The following MTX2 variants were observed in gnomAD, a reference collection of about 807,000 sequenced individuals.
MTX2 encodes metaxin 2, also known as metaxin-2.
Under a neutral mutation model 42.3 loss-of-function variants are expected in MTX2, and 35 were observed. That is an observed-to-expected ratio of 0.83 (90% CI 0.63 to 1.10). The LOEUF (loss-of-function observed/expected upper bound fraction) is 1.10. Ranked by LOEUF, MTX2 falls within the 50% of genes least tolerant of loss-of-function variation. MTX2 has a pLI of 0.00. For synonymous variants in MTX2, 119 were observed against 100.9 expected (o/e 1.18, Z -1.08); for missense variants, 307 against 304.1 (o/e 1.01, Z -0.07).
intron 1 of MTX2, among the ~76,000 whole-genome samples, chr2:176,272,171 C>G (rs182201488): frequency 1.3e-5 from 2 of 152,224 alleles, no homozygotes; most frequent in Admixed American, 1.3e-4. Context: ...GATCTAAAAT[C>G]TAATCTTTTT....
At chr2:176,310,688 T>C (rs924083992) in intron 3 of MTX2, among the ~76,000 whole-genome samples, 2 of 152,212 alleles carry the variant, frequency 1.3e-5, no homozygotes, top group African/African-American at 4.8e-5. Context: ...CTTGATTGAA[T>C]CAGCTATTGA....
chr2:176,285,470 C>CT (rs1339422915), intron 1 of MTX2, among the ~76,000 whole-genome samples: 4 of 139,968 alleles, frequency 2.9e-5, no homozygotes, highest in Admixed American at 2.3e-4. Context: ...TTACCACAGT[C>CT]TAACAGTAGG....
chr2:176,325,909 T>TAC (rs1459957872), intron 4 of MTX2, among the ~76,000 whole-genome samples: 6 of 151,858 alleles, frequency 4.0e-5, no homozygotes, highest in African/African-American at 1.2e-4. Context: ...GTCCTATGGA[T>TAC]GCAGTTGAAG....
chr2:176,270,128 CCAGCGACA>C (rs1692764983), intron 1 of MTX2: 1 of 288,118 alleles, frequency 3.5e-6, no homozygotes, highest in Admixed American at 4.7e-5. Context: ...GCTTCGTCTC[CCAGCGACA>C]CAGTAGTGCC....
At position 176,296,923 on chromosome 2, in the gene MTX2, A is replaced by C. The variant is rs748552179; in HGVS notation, c.88+16A>C. The C allele has an allele frequency of 1.9e-6, 3 of 1,608,972 alleles. No homozygotes were observed. Among genetic ancestry groups the C allele is most frequent in the Non-Finnish European group, 2.6e-6 (3 of 1,175,772 alleles). On this transcript the variant is annotated intron_variant, in intron 2 of 9. Coordinates refer to ENST00000249442, the MANE Select transcript of MTX2 (RefSeq NM_006554.5). ...CAATTGAAAGGTAAGTCTTGTTCAC[A>C]ATTAAAAATGGCTTTGTATCAAACT...
chr2:176,302,227 G>A (rs1684043074), intron 3 of MTX2, among the ~76,000 whole-genome samples: 1 of 148,226 alleles, frequency 6.7e-6, no homozygotes. Flanking sequence ...AATATTGCAT[G>A]AACAAGTAAT....
chr2:176,283,904 C>G (rs538004324), intron 1 of MTX2, among the ~76,000 whole-genome samples: 2 of 151,852 alleles, frequency 1.3e-5, no homozygotes, highest in African/African-American at 4.8e-5. Flanking sequence ...TTCTATAGTT[C>G]TGCTGTTGAT....
chr2:176,300,150 A>T (rs944745333), intron 3 of MTX2, among the ~76,000 whole-genome samples: 2 of 152,068 alleles, frequency 1.3e-5, no homozygotes, highest in Admixed American at 6.6e-5. Context: ...ACAGAGAGAG[A>T]GAGAGAGATA....
intron 9 of MTX2, among the ~76,000 whole-genome samples, chr2:176,331,057 AAG>A (rs1352533542): frequency 6.6e-6 from 1 of 151,202 alleles, no homozygotes; most frequent in East Asian, 1.9e-4. Flanking sequence ...GGAGGATTAG[AAG>A]AGTCAATAAA....
intron 3 of MTX2, among the ~76,000 whole-genome samples, chr2:176,309,515 G>A (rs2105425757): frequency 6.6e-6 from 1 of 152,174 alleles, no homozygotes. Context: ...CATTATTATT[G>A]TGTGGGAGTC....
At chr2:176,296,038 C>T (rs2105412534) in intron 1 of MTX2, among the ~76,000 whole-genome samples, 1 of 152,248 alleles carries the variant, frequency 6.6e-6, no homozygotes, top group East Asian at 1.9e-4. Context: ...TATATTCTGT[C>T]AGTGGAGCCA....
intron 1 of MTX2, among the ~76,000 whole-genome samples, chr2:176,271,333 T>A (rs1006924538): frequency 6.6e-6 from 1 of 152,182 alleles, no homozygotes; most frequent in Non-Finnish European, 1.5e-5. Context: ...TAATAATCCT[T>A]GGATAGCAGA....
intron 3 of MTX2, among the ~76,000 whole-genome samples, chr2:176,305,210 T>A (rs935815588): frequency 6.6e-6 from 1 of 152,064 alleles, no homozygotes; most frequent in South Asian, 2.1e-4. Flanking sequence ...ATTGAGTTAC[T>A]ATTAGTTAAT....
At chr2:176,284,394 A>G (rs1693149399) in intron 1 of MTX2, among the ~76,000 whole-genome samples, 1 of 152,174 alleles carries the variant, frequency 6.6e-6, no homozygotes, top group Non-Finnish European at 1.5e-5. Context: ...GGTGCTGTGA[A>G]TTTGTTTTCT....
At chr2:176,324,819 G>C (rs1424375529) in intron 4 of MTX2, among the ~76,000 whole-genome samples, 1 of 151,704 alleles carries the variant, frequency 6.6e-6, no homozygotes, top group Non-Finnish European at 1.5e-5. Flanking sequence ...GTCTCCTATA[G>C]GTAGATGAAA....
At chr2:176,303,582 T>G (rs1684076658) in intron 3 of MTX2, among the ~76,000 whole-genome samples, 1 of 152,162 alleles carries the variant, frequency 6.6e-6, no homozygotes, top group Non-Finnish European at 1.5e-5. Flanking sequence ...GACCTTGGAT[T>G]ATTTCAGTAT....
At chr2:176,282,106 T>C (rs1021376213) in intron 1 of MTX2, among the ~76,000 whole-genome samples, 11 of 149,726 alleles carry the variant, frequency 7.3e-5, no homozygotes, top group East Asian at 1.9e-4. Flanking sequence ...TTCAATGATA[T>C]TATTTTTAGA....
chr2:176,329,225 T>C lies in MTX2; in HGVS notation c.418-76T>C. On this transcript the variant is annotated intron_variant, in intron 7 of 9. Transcript: ENST00000249442. ...TTTATGTTCTCTGAAAATATATTTC[T>C]TTTAGAATTCTATTTGTAAAAACGG... 3 of 1,470,762 alleles carry C rather than the reference T, an allele frequency of 2.0e-6. No individual in the cohort carries two copies. In the South Asian group the frequency reaches 4.1e-5, roughly 20 times the overall value. 91.1% of individuals were successfully genotyped at this position (1,470,762 alleles called of 1,614,324 possible).
In MTX2 at chr2:176,283,091, A is replaced by C. The variant is rs377192398; in HGVS notation, c.40+13422A>C. Among the ~76,000 whole-genome samples, 100 of 152,342 alleles carry C rather than the reference A, an allele frequency of 6.6e-4. 1 individual carries two copies. Among genetic ancestry groups the C allele is most frequent in the African/African-American group, 1.9e-3 (80 of 41,584 alleles). ...TAATTGAGACAAGAATAGGTTAACCAGTTTGGCCAACATAACTCACACAAT... is the reference window on the plus strand; with the variant it reads ...TAATTGAGACAAGAATAGGTTAACCCGTTTGGCCAACATAACTCACACAAT... On this transcript the variant is annotated intron_variant, in intron 1 of 9. Transcript: ENST00000249442.
Sources: allele counts gnomAD v4.1 joint callset (sites outside exome capture counted in the v4.1 genomes callset), GRCh38; gene constraint gnomAD v4.1.1; transcripts MANE v1.5; gene names NCBI Gene and HGNC (gene_info 2026-07-23, HGNC 2026-07-21).